Variants in AKR1C8 observed in about 807,000 individuals in gnomAD.
The protein encoded by AKR1C8 is aldo-keto reductase family 1 member C-like protein 1.
At chr10:5,168,247 C>T in the AKR1C8 span, among the ~76,000 whole-genome samples, 1 of 152,018 alleles carries the variant, frequency 6.6e-6, no homozygotes, top group Non-Finnish European at 1.5e-5. Flanking sequence ...TGACCCTACC[C>T]TCTTAACAGT....
chr10:5,179,392 C>T, the AKR1C8 span, among the ~76,000 whole-genome samples: 1 of 152,146 alleles, frequency 6.6e-6, no homozygotes, highest in African/African-American at 2.4e-5. Context: ...CCCGACCTTT[C>T]TCTCTGGCTG....
chr10:5,131,129 A>C, the AKR1C8 span, among the ~76,000 whole-genome samples: 1 of 152,064 alleles, frequency 6.6e-6, no homozygotes, highest in Non-Finnish European at 1.5e-5. Flanking sequence ...GGTAAGCCAC[A>C]TGTAGAAGAA....
chr10:5,164,143 A>G, the AKR1C8 span, among the ~76,000 whole-genome samples: 1 of 152,062 alleles, frequency 6.6e-6, no homozygotes, highest in Non-Finnish European at 1.5e-5. Flanking sequence ...CCAACTCTCT[A>G]TTAGTCTCGG....
chr10:5,180,093 A>C, the AKR1C8 span, among the ~76,000 whole-genome samples: 22 of 152,074 alleles, frequency 1.4e-4, no homozygotes, highest in African/African-American at 4.1e-4. Flanking sequence ...TTTTTTCCCC[A>C]TCTTTGTGGT....
the AKR1C8 span, among the ~76,000 whole-genome samples, chr10:5,175,925 G>T: frequency 6.6e-6 from 1 of 152,108 alleles, no homozygotes; most frequent in African/African-American, 2.4e-5. Flanking sequence ...CATTTCGTAG[G>T]TTGCCTGTTC....
At chr10:5,154,123 T>A in the AKR1C8 span, 2 of 467,226 alleles carry the variant, frequency 4.3e-6, no homozygotes, top group East Asian at 7.0e-5. Flanking sequence ...GTGGTGGTAA[T>A]GTTCAATAGC....
chr10:5,131,164 A>AT, the AKR1C8 span, among the ~76,000 whole-genome samples: 1 of 152,074 alleles, frequency 6.6e-6, no homozygotes, highest in Non-Finnish European at 1.5e-5. Flanking sequence ...ATCTCTCCTT[A>AT]TACACAAATC....
At chr10:5,174,083 C>G in the AKR1C8 span, among the ~76,000 whole-genome samples, 1 of 152,052 alleles carries the variant, frequency 6.6e-6, no homozygotes, top group South Asian at 2.1e-4. Context: ...AAATCCCTCT[C>G]AAAATCTATT....
chr10:5,163,523 G>T, the AKR1C8 span, among the ~76,000 whole-genome samples: 1 of 152,156 alleles, frequency 6.6e-6, no homozygotes, highest in East Asian at 1.9e-4. Flanking sequence ...CTGAGTGGAT[G>T]GCAAATAGTG....
chr10:5,161,610 G>A, the AKR1C8 span: 2 of 497,902 alleles, frequency 4.0e-6, no homozygotes, highest in South Asian at 1.5e-5. Flanking sequence ...GTCTAGGGTA[G>A]AGGAAGTGAG....
chr10:5,148,714 A>C, the AKR1C8 span, among the ~76,000 whole-genome samples: 2 of 152,204 alleles, frequency 1.3e-5, no homozygotes, highest in African/African-American at 4.8e-5. Flanking sequence ...TATAGTAAGC[A>C]TGCAAAATTA....
At chr10:5,136,129 T>G in the AKR1C8 span, among the ~76,000 whole-genome samples, 1 of 152,194 alleles carries the variant, frequency 6.6e-6, no homozygotes, top group African/African-American at 2.4e-5. Context: ...CTGGTAACTA[T>G]TTTACATAAT....
the AKR1C8 span, among the ~76,000 whole-genome samples, chr10:5,152,352 C>T: frequency 2.6e-5 from 4 of 152,092 alleles, no homozygotes; most frequent in South Asian, 2.1e-4. Flanking sequence ...TTGCTGTTAC[C>T]GCCAAAAATG....
chr10:5,152,506 T>C, the AKR1C8 span, among the ~76,000 whole-genome samples: 4 of 152,046 alleles, frequency 2.6e-5, no homozygotes, highest in African/African-American at 9.7e-5. Context: ...CTCAGAAAAA[T>C]TGTCAGATTG....
At chr10:5,152,896 C>A in the AKR1C8 span, among the ~76,000 whole-genome samples, 1 of 151,856 alleles carries the variant, frequency 6.6e-6, no homozygotes, top group African/African-American at 2.4e-5. Context: ...TATTACTGGA[C>A]AGTAAACATG....
At chr10:5,123,332 C>T in the AKR1C8 span, 97,990 of 271,516 alleles carry the variant, frequency 0.36, 19,866 homozygotes, top group African/African-American at 0.41. Flanking sequence ...CACAGCCCCA[C>T]GCTGCAGCTG....
the AKR1C8 span, among the ~76,000 whole-genome samples, chr10:5,178,825 T>G: frequency 2.0e-5 from 3 of 152,134 alleles, no homozygotes; most frequent in Non-Finnish European, 4.4e-5. Context: ...GTTTTCCATT[T>G]GCTTGGTAGA....
chr10:5,155,668 C>T, the AKR1C8 span: 7 of 467,460 alleles, frequency 1.5e-5, no homozygotes, highest in Non-Finnish European at 3.1e-5. Context: ...CTACAAGCAT[C>T]ACTTACAATT....
the AKR1C8 span, among the ~76,000 whole-genome samples, chr10:5,143,932 G>A: frequency 6.6e-6 from 1 of 151,754 alleles, no homozygotes; most frequent in African/African-American, 2.4e-5. Context: ...CAATAATACA[G>A]AAAGTGCTAA....
Sources: gnomAD v4.1 joint callset for allele counts (sites outside exome capture counted in the v4.1 genomes callset) on GRCh38, gnomAD v4.1.1 for gene constraint, MANE v1.5 for transcripts, NCBI Gene and HGNC (gene_info 2026-07-23, HGNC 2026-07-21) for gene names.